The following RPGRIP1L variants were observed in gnomAD, a reference collection of about 807,000 sequenced individuals.
The protein encoded by RPGRIP1L is protein fantom.
A neutral mutation model predicts 160.4 loss-of-function variants in RPGRIP1L; 131 were observed. That is an observed-to-expected ratio of 0.82 (90% CI 0.71 to 0.94). The LOEUF is 0.94. Among genes scored for constraint, RPGRIP1L ranks in the 40% least tolerant of loss-of-function variants. RPGRIP1L has a pLI of 0.00. For missense variants in RPGRIP1L, 1,522 were observed against 1,535.8 expected, an observed-to-expected ratio of 0.99 and a Z score of 0.15; for synonymous variants, 510 against 515.8, an observed-to-expected ratio of 0.99 and a Z score of 0.15.
chr16:53,623,964 T>C (rs951169347), intron 22 of RPGRIP1L, among the ~76,000 whole-genome samples: 2 of 152,228 alleles, frequency 1.3e-5, no homozygotes, highest in Non-Finnish European at 2.9e-5. Flanking sequence ...AGATGACAAC[T>C]CACTGCAGCC....
intron 3 of RPGRIP1L, 28 bp from the exon 4 acceptor site, chr16:53,692,392 G>C (rs1970450521): frequency 6.3e-7 from 1 of 1,597,356 alleles, no homozygotes; most frequent in Admixed American, 1.7e-5. Context: ...AGATGAAAAG[G>C]AATGTGAGAA....
Position 53,652,775 on chromosome 16 carries a change from A to G in RPGRIP1L, c.1912T>C (p.Tyr638His). 1 of 1,614,168 alleles carries G rather than the reference A, an allele frequency of 6.2e-7. No individual in the cohort carries two copies. The highest frequency in any genetic ancestry group is 8.5e-7 in the Non-Finnish European group (1 of 1,180,010). The change falls in exon 15 of 27, where the codon TAT becomes CAT. Residue 638 changes from tyrosine (Y) to histidine (H), a missense_variant. Coordinates refer to ENST00000647211, the MANE Select transcript of RPGRIP1L (RefSeq NM_015272.5). Reference sequence around the variant, plus strand: ...GGAGTTGTCTGTAGTTCAAAATCATAGAAAGCATAGGTACAGAAAGTGACA... The same window carrying G: ...GGAGTTGTCTGTAGTTCAAAATCATGGAAAGCATAGGTACAGAAAGTGACA... ...EPVTFCTYAF[Y>H]DFELQTTPVV... is the part of the protein sequence containing the mutation.
intron 22 of RPGRIP1L, 75 bp downstream of exon 22, chr16:53,636,364 T>C (rs766100335): frequency 1.4e-5 from 14 of 1,001,182 alleles, no homozygotes; most frequent in African/African-American, 4.8e-5. Context: ...TTTTTATATA[T>C]GAAGACTACA....
At chr16:53,669,505 T>C (rs1176342403) in intron 9 of RPGRIP1L, among the ~76,000 whole-genome samples, 1 of 151,924 alleles carries the variant, frequency 6.6e-6, no homozygotes, top group Non-Finnish European at 1.5e-5. Flanking sequence ...CATCTTCTAA[T>C]ATGGAAAGAT....
intron 3 of RPGRIP1L, chr16:53,695,543 G>A: frequency 4.7e-6 from 3 of 634,034 alleles, no homozygotes; most frequent in East Asian, 5.5e-5. Flanking sequence ...TCAGAAAATA[G>A]GCACAGCATT....
chr16:53,653,382 T>C, intron 14 of RPGRIP1L: 1 of 1,022,718 alleles, frequency 9.8e-7, no homozygotes, highest in Non-Finnish European at 1.2e-6. Context: ...TCCTTTAACT[T>C]ATTAAGATTT....
intron 10 of RPGRIP1L, among the ~76,000 whole-genome samples, chr16:53,662,754 T>C (rs1244125475): frequency 1.3e-5 from 2 of 152,010 alleles, no homozygotes; most frequent in African/African-American, 4.8e-5. Flanking sequence ...AAATCTGAGG[T>C]ATTCAAACAA....
intron 2 of RPGRIP1L, among the ~76,000 whole-genome samples, chr16:53,700,016 G>C (rs1013612380): frequency 2.6e-5 from 4 of 152,124 alleles, no homozygotes; most frequent in African/African-American, 9.7e-5. Flanking sequence ...TTTTCTATGA[G>C]CTGTTGATAA....
chr16:53,660,907 A>AC (rs1230733332), intron 10 of RPGRIP1L, among the ~76,000 whole-genome samples: 1 of 151,616 alleles, frequency 6.6e-6, no homozygotes, highest in East Asian at 1.9e-4. Context: ...AAAAAAAAAA[A>AC]AATCAAATAT....
intron 1 of RPGRIP1L, among the ~76,000 whole-genome samples, chr16:53,701,191 A>T (rs1971365410): frequency 6.6e-6 from 1 of 152,214 alleles, no homozygotes; most frequent in South Asian, 2.1e-4. Context: ...GGTAAATGGG[A>T]TGAGTAAATT....
intron 24 of RPGRIP1L, among the ~76,000 whole-genome samples, chr16:53,616,694 A>T (rs1378192550): frequency 6.6e-6 from 1 of 152,172 alleles, no homozygotes; most frequent in Non-Finnish European, 1.5e-5. Flanking sequence ...GCTGCTATCA[A>T]ATGATTGATT....
intron 14 of RPGRIP1L, among the ~76,000 whole-genome samples, chr16:53,655,194 C>A (rs1044642999): frequency 6.6e-6 from 1 of 151,850 alleles, no homozygotes; most frequent in Admixed American, 6.6e-5. Flanking sequence ...AGAAGATTTG[C>A]GAAATGTTAA....
intron 24 of RPGRIP1L, among the ~76,000 whole-genome samples, chr16:53,616,551 AT>A (rs2150956526): frequency 6.6e-6 from 1 of 152,254 alleles, no homozygotes; most frequent in South Asian, 2.1e-4. Flanking sequence ...TCCCAGAAAA[AT>A]ATCCTTAAAA....
intron 12 of RPGRIP1L, among the ~76,000 whole-genome samples, chr16:53,657,908 G>A (rs1967404197): frequency 1.3e-5 from 2 of 152,026 alleles, no homozygotes; most frequent in Non-Finnish European, 2.9e-5. Flanking sequence ...ACATATAAAA[G>A]AATCATGTAC....
intron 3 of RPGRIP1L, 44 bp from the exon 4 acceptor site, chr16:53,692,408 C>A (rs764756428): frequency 6.5e-7 from 1 of 1,549,964 alleles, no homozygotes; most frequent in Admixed American, 1.7e-5. Context: ...GAGAAGTCAG[C>A]ATAAAATCCA....
Position 53,645,645 on chromosome 16 carries a change from GC to G in RPGRIP1L, c.2662del (p.Ala888HisfsTer12). ...GKVNVPLISL[A>X]HDRCISGIFE... ...CTTACCTGAGATACACCTGTCATGTGCCAACGAAATCAGAGGCACATTGACT... is the reference window on the plus strand; with the variant it reads ...CTTACCTGAGATACACCTGTCATGTGCAACGAAATCAGAGGCACATTGACT... On this transcript the variant is annotated frameshift_variant, in exon 17 of 27. Transcript: ENST00000647211. LOFTEE classifies it high-confidence loss of function. 1 of 1,613,656 alleles carries G rather than the reference GC, an allele frequency of 6.2e-7. No homozygotes were observed. The highest frequency in any genetic ancestry group is 2.2e-5 in the East Asian group (1 of 44,870).
Position 53,692,113 on chromosome 16 carries a change from C to T in RPGRIP1L, c.482G>A (p.Arg161His), listed in dbSNP as rs74957591. The T allele has an allele frequency of 2.3e-4, 366 of 1,613,968 alleles. 1 individual carries two copies. In the African/African-American group the frequency reaches 3.6e-3, roughly 16 times the overall value. The change falls in exon 4 of 27, where the codon CGT (arginine) becomes CAT (histidine). Residue 161 changes from arginine (R) to histidine (H), a missense_variant. By Grantham distance (29) the Arg-to-His change is conservative (BLOSUM62 0). Coordinates refer to ENST00000647211, the MANE Select transcript of RPGRIP1L (RefSeq NM_015272.5). ...NNVQSRINTGRRKANENAGLQ... is the reference protein window; with the variant it reads ...NNVQSRINTGHRKANENAGLQ... ...ACCAGCATTTTCATTTGCTTTTCTA[C>T]GCCCAGTGTTAATACGAGATTGTAC...
At chr16:53,683,084 CT>C (rs553408629) in intron 6 of RPGRIP1L, among the ~76,000 whole-genome samples, 5 of 150,778 alleles carry the variant, frequency 3.3e-5, no homozygotes, top group African/African-American at 9.7e-5. Context: ...TTTTAGCCCA[CT>C]TTTTTTTTAA....
At chr16:53,618,265 C>T (rs1012870275) in intron 24 of RPGRIP1L, among the ~76,000 whole-genome samples, 2 of 152,142 alleles carry the variant, frequency 1.3e-5, no homozygotes, top group African/African-American at 4.8e-5. Flanking sequence ...AAATCTTGAA[C>T]ATCTAGACAC....
Sources: allele counts gnomAD v4.1 joint callset (sites outside exome capture counted in the v4.1 genomes callset), GRCh38; gene constraint gnomAD v4.1.1; transcripts MANE v1.5; gene names NCBI Gene and HGNC (gene_info 2026-07-23, HGNC 2026-07-21).